The following TRRAP variants were observed in gnomAD, a reference collection of about 807,000 sequenced individuals.
TRRAP encodes the protein transformation/transcription domain-associated protein.
In TRRAP, 41 loss-of-function variants were observed where a neutral mutation model predicts 438.8. That is an observed-to-expected ratio of 0.09 (90% CI 0.07 to 0.12). The LOEUF (loss-of-function observed/expected upper bound fraction) is 0.12. Ranked by LOEUF, TRRAP falls within the 10% of genes least tolerant of loss-of-function variation. The pLI is 1.00. For synonymous variants in TRRAP, 1,994 were observed against 1,962.9 expected (o/e 1.02, Z -0.42); for missense variants, 3,122 against 5,055.1 (o/e 0.62, Z 11.60).
chr7:98,888,594 A>T (rs896078967), intron 3 of TRRAP, among the ~76,000 whole-genome samples: 4 of 151,878 alleles, frequency 2.6e-5, no homozygotes, highest in Non-Finnish European at 5.9e-5. Flanking sequence ...ATCATGCTGA[A>T]CTCTGTTGAT....
At chr7:98,979,187 T>C (rs1181074243) in intron 58 of TRRAP, among the ~76,000 whole-genome samples, 1 of 152,218 alleles carries the variant, frequency 6.6e-6, no homozygotes. Flanking sequence ...AAATGACTCA[T>C]TGGATGCAGG....
chr7:98,903,112 C>G (rs145289602), intron 11 of TRRAP, among the ~76,000 whole-genome samples: 1 of 152,168 alleles, frequency 6.6e-6, no homozygotes, highest in East Asian at 1.9e-4. Flanking sequence ...ACCTTCTCCT[C>G]CCAGGTTCAA....
chr7:98,960,366 C>CT (rs1791833096), intron 45 of TRRAP, among the ~76,000 whole-genome samples: 1 of 152,142 alleles, frequency 6.6e-6, no homozygotes, highest in Admixed American at 6.5e-5. Flanking sequence ...GATTTGGAAA[C>CT]TTTTGCTATT....
At chr7:98,917,747 G>C (rs1584308679) in intron 20 of TRRAP, 68 bp downstream of exon 20, 1 of 1,559,582 alleles carries the variant, frequency 6.4e-7, no homozygotes, top group East Asian at 2.3e-5. Flanking sequence ...TGGGTTCTCT[G>C]TACTCAAGAG....
intron 20 of TRRAP, 36 bp downstream of exon 20, chr7:98,917,715 C>T (rs1554409737): frequency 1.9e-6 from 3 of 1,601,708 alleles, no homozygotes; most frequent in South Asian, 1.1e-5. Flanking sequence ...TGGCTGCTTC[C>T]CTGGAAGCAG....
chr7:98,887,828 T>C (rs1795785238), intron 3 of TRRAP, among the ~76,000 whole-genome samples: 1 of 151,254 alleles, frequency 6.6e-6, no homozygotes, highest in African/African-American at 2.4e-5. Flanking sequence ...TATAGACCCC[T>C]CTTCTGAAGT....
chr7:99,002,724 A>G (rs1793987450), intron 67 of TRRAP, among the ~76,000 whole-genome samples: 1 of 151,356 alleles, frequency 6.6e-6, no homozygotes, highest in Admixed American at 6.6e-5. Flanking sequence ...AAGTGCTATG[A>G]AAAAAAAACA....
intron 24 of TRRAP, 43 bp from the exon 25 acceptor site, chr7:98,930,590 G>C: frequency 6.2e-7 from 1 of 1,605,352 alleles, no homozygotes; most frequent in South Asian, 1.1e-5. Context: ...AAAAAAACAA[G>C]AATTGCAGTA....
In TRRAP at chr7:98,964,645, C is replaced by T; in HGVS notation, c.6846C>T (p.Leu2282=). 1 of 1,613,750 alleles carries T rather than the reference C, an allele frequency of 6.2e-7. No individual in the cohort carries two copies. The highest frequency in any genetic ancestry group is 8.5e-7 in the Non-Finnish European group (1 of 1,179,884). The part of the protein sequence containing the change: ...PSQLFGTLMI[L]KSACSNNPSY... Reference sequence around the variant, plus strand: ...ACATTTTAGGGACCCTTATGATCCTCAAGTCTGCCTGCAGCAACAACCCCA... The same window carrying T: ...ACATTTTAGGGACCCTTATGATCCTTAAGTCTGCCTGCAGCAACAACCCCA... The change falls in exon 48 of 73, where the codon CTC becomes CTT. Residue 2282 remains leucine, a synonymous_variant. Transcript: ENST00000456197.
intron 51 of TRRAP, among the ~76,000 whole-genome samples, chr7:98,969,225 C>T (rs949938479): frequency 6.6e-6 from 1 of 152,200 alleles, no homozygotes; most frequent in Non-Finnish European, 1.5e-5. Flanking sequence ...AAAATCCAGC[C>T]TCCAGGCTAT....
At chr7:99,007,804 T>A (rs962227393) in intron 69 of TRRAP, among the ~76,000 whole-genome samples, 3 of 151,550 alleles carry the variant, frequency 2.0e-5, no homozygotes, top group Non-Finnish European at 4.4e-5. Flanking sequence ...TATCCTTTAT[T>A]TTTTGTTTTT....
intron 3 of TRRAP, among the ~76,000 whole-genome samples, chr7:98,882,747 C>T (rs1795511425): frequency 6.6e-6 from 1 of 152,114 alleles, no homozygotes; most frequent in South Asian, 2.1e-4. Flanking sequence ...CTGCAACCTC[C>T]ACCTCCCGGA....
chr7:98,931,758 T>G, intron 26 of TRRAP, 93 bp downstream of exon 26: 1 of 1,528,746 alleles, frequency 6.5e-7, no homozygotes, highest in Non-Finnish European at 8.8e-7. Context: ...CGTTTATAAT[T>G]TTGTGTCTTG....
intron 67 of TRRAP, chr7:98,999,260 G>A: frequency 4.2e-6 from 5 of 1,181,638 alleles, no homozygotes; most frequent in Non-Finnish European, 6.4e-6. Context: ...GCTTCTCGCA[G>A]AAACAGATGT....
At chr7:98,904,542 C>A (rs1171508927) in intron 12 of TRRAP, among the ~76,000 whole-genome samples, 2 of 151,782 alleles carry the variant, frequency 1.3e-5, no homozygotes, top group Admixed American at 6.6e-5. Flanking sequence ...ACCTCCTTCC[C>A]GTTACTGTAC....
intron 18 of TRRAP, among the ~76,000 whole-genome samples, chr7:98,914,280 G>C (rs1379595972): frequency 2.0e-5 from 3 of 151,974 alleles, no homozygotes; most frequent in African/African-American, 7.3e-5. Context: ...TGCACCTGTA[G>C]TCCCAGCTAC....
intron 19 of TRRAP, 93 bp downstream of exon 19, chr7:98,915,981 T>A: frequency 6.6e-7 from 1 of 1,510,012 alleles, no homozygotes; most frequent in Non-Finnish European, 9.0e-7. Context: ...CCTCTGTAAC[T>A]GGTGAGTGTC....
chr7:98,967,810 C>T (rs1192294802), intron 51 of TRRAP, 112 bp downstream of exon 51: 3 of 921,858 alleles, frequency 3.3e-6, no homozygotes, highest in Non-Finnish European at 4.8e-6. Context: ...AAATCTCCAG[C>T]ACAAACCTGC....
Position 98,994,516 on chromosome 7 carries a change from A to G in TRRAP, c.10048-71A>G, listed in dbSNP as rs1335998658. The G allele has an allele frequency of 6.3e-7, 1 of 1,596,950 alleles. No individual in the cohort carries two copies. The highest frequency in any genetic ancestry group is 8.5e-7 in the Non-Finnish European group (1 of 1,171,290). ...CTGGGCTGGGAGGGCCGCACTCAAT[A>G]GGCGCTTTTGGCTGCTGGTTCTGGA... On this transcript the variant is annotated intron_variant, in intron 66 of 72. Coordinates refer to ENST00000456197, the MANE Select transcript of TRRAP (RefSeq NM_001375524.1). This position sits in a 1 kb window ranked among gnomAD's most constrained non-coding sequence, Gnocchi z 4.8.
Sources: gnomAD v4.1 joint callset for allele counts (sites outside exome capture counted in the v4.1 genomes callset) on GRCh38, gnomAD v4.1.1 for gene constraint, Gnocchi (gnomAD v3.1) non-coding constraint, MANE v1.5 for transcripts, NCBI Gene and HGNC (gene_info 2026-07-23, HGNC 2026-07-21) for gene names.